The following ANKRD30B variants were observed in gnomAD, a reference collection of about 807,000 sequenced individuals.
ANKRD30B encodes the protein ankyrin repeat domain 30B.
In ANKRD30B, 144 loss-of-function variants were observed where a neutral mutation model predicts 202.2. The observed-to-expected ratio is 0.71, with a 90% CI of 0.62 to 0.82. The LOEUF is 0.82. Ranked by LOEUF, ANKRD30B falls within the 40% of genes least tolerant of loss-of-function variation. The pLI, the probability that ANKRD30B is intolerant of heterozygous loss-of-function variation, is 0.00. For missense variants in ANKRD30B, 1,487 were observed against 1,669.1 expected, an observed-to-expected ratio of 0.89 and a Z score of 1.90; for synonymous variants, 508 against 561.3, an observed-to-expected ratio of 0.91 and a Z score of 1.34.
chr18:14,848,978 G>T, intron 40 of ANKRD30B, 49 bp downstream of exon 40: 1 of 1,411,256 alleles, frequency 7.1e-7, no homozygotes, highest in Non-Finnish European at 9.2e-7. Context: ...TATACTAAAA[G>T]TATGTAGGAT....
chr18:14,907,141 A>T, the ANKRD30B span, among the ~76,000 whole-genome samples: 2 of 152,052 alleles, frequency 1.3e-5, no homozygotes, highest in African/African-American at 4.8e-5. Flanking sequence ...GTCTGTGTTG[A>T]TGTTAATGCT....
chr18:14,842,083 T>G (rs1277092029), intron 37 of ANKRD30B, among the ~76,000 whole-genome samples: 1 of 152,138 alleles, frequency 6.6e-6, no homozygotes, highest in Non-Finnish European at 1.5e-5. Flanking sequence ...AATTTATTAC[T>G]TGAATTCTAA....
intron 32 of ANKRD30B, among the ~76,000 whole-genome samples, chr18:14,827,579 G>T (rs562214489): frequency 6.6e-6 from 1 of 152,104 alleles, no homozygotes; most frequent in Non-Finnish European, 1.5e-5. Flanking sequence ...ACATTTGGTC[G>T]CAGATGTCTT....
chr18:14,922,057 C>T, the ANKRD30B span, among the ~76,000 whole-genome samples: 1 of 152,176 alleles, frequency 6.6e-6, no homozygotes, highest in South Asian at 2.1e-4. Flanking sequence ...CTGAAAGAGG[C>T]ATTGAAGAGG....
At chr18:14,936,312 T>A in the ANKRD30B span, among the ~76,000 whole-genome samples, 2 of 152,186 alleles carry the variant, frequency 1.3e-5, no homozygotes, top group African/African-American at 2.4e-5. Flanking sequence ...TGTGTGAGAT[T>A]TTTGAGGCTG....
intron 39 of ANKRD30B, among the ~76,000 whole-genome samples, chr18:14,846,647 A>G (rs1466053957): frequency 6.6e-6 from 1 of 152,038 alleles, no homozygotes; most frequent in Non-Finnish European, 1.5e-5. Flanking sequence ...TGTTTTCTTG[A>G]TTAAGTGAAC....
the ANKRD30B span, among the ~76,000 whole-genome samples, chr18:14,889,121 C>T: frequency 6.6e-6 from 1 of 151,434 alleles, no homozygotes; most frequent in East Asian, 1.9e-4. Flanking sequence ...ACATAATACA[C>T]AGCTAGTTAT....
In ANKRD30B at chr18:14,748,323, G is replaced by GT; in HGVS notation, c.-96dup. 1 of 1,045,746 alleles carries GT rather than the reference G, an allele frequency of 9.6e-7. No individual in the cohort carries two copies. 64.8% of individuals were successfully genotyped at this position (1,045,746 alleles called of 1,614,324 possible). A position where few individuals can be genotyped will look rare whatever the true frequency, so the allele number is the denominator to read the frequency against. ...ACGGGCGAGTGCGAGCCGGGGGCGGGTGCTGGGGAAGGGTAAGCGGGAAGC... is the reference window on the plus strand; with the variant it reads ...ACGGGCGAGTGCGAGCCGGGGGCGGGTTGCTGGGGAAGGGTAAGCGGGAAGC... On this transcript the variant is annotated 5_prime_UTR_variant, in exon 1 of 44. Transcript: ENST00000690538.
the ANKRD30B span, among the ~76,000 whole-genome samples, chr18:14,901,418 ACTAAC>A: frequency 6.6e-6 from 1 of 152,212 alleles, no homozygotes; most frequent in Non-Finnish European, 1.5e-5. Flanking sequence ...CATGAAGATT[ACTAAC>A]CCAACATCAA....
intron 14 of ANKRD30B, among the ~76,000 whole-genome samples, chr18:14,786,042 C>T (rs1598615118): frequency 1.8e-5 from 1 of 56,902 alleles, no homozygotes; most frequent in Non-Finnish European, 2.8e-5. Flanking sequence ...GAGACTCCGT[C>T]TCAAAAAAAA....
chr18:14,873,769 T>C, the ANKRD30B span, among the ~76,000 whole-genome samples: 2,332 of 152,176 alleles, frequency 0.015, 60 homozygotes, highest in African/African-American at 0.054. Context: ...TAGGCGAGGC[T>C]GAGAGTCAGC....
the ANKRD30B span, among the ~76,000 whole-genome samples, chr18:14,879,852 G>C: frequency 6.6e-6 from 1 of 152,084 alleles, no homozygotes; most frequent in South Asian, 2.1e-4. Context: ...TCTGCTGACT[G>C]TTTCCTTTGC....
chr18:14,771,052 G>A (rs1966971526), intron 8 of ANKRD30B, among the ~76,000 whole-genome samples: 1 of 152,174 alleles, frequency 6.6e-6, no homozygotes, highest in Non-Finnish European at 1.5e-5. Context: ...AAGATTGACT[G>A]GCAAGTAAGT....
intron 5 of ANKRD30B, among the ~76,000 whole-genome samples, chr18:14,758,317 G>A (rs1914699750): frequency 6.6e-6 from 1 of 152,134 alleles, no homozygotes; most frequent in Non-Finnish European, 1.5e-5. Context: ...AGGAATCTAA[G>A]GGGTTCCTTA....
At chr18:14,843,873 C>A (rs953290462) in intron 39 of ANKRD30B, among the ~76,000 whole-genome samples, 1 of 152,022 alleles carries the variant, frequency 6.6e-6, no homozygotes, top group African/African-American at 2.4e-5. Flanking sequence ...TTTGGTAAAA[C>A]TGTGATTCTG....
At chr18:14,856,248 G>T (rs1357509127), downstream of ANKRD30B, among the ~76,000 whole-genome samples, 1 of 134,054 alleles carries the variant, frequency 7.5e-6, no homozygotes, top group Non-Finnish European at 1.6e-5. Context: ...GCCAGAGAAA[G>T]GTGCTCCTCA....
At chr18:14,749,709 ATTGT>A (rs1407734700) in intron 1 of ANKRD30B, among the ~76,000 whole-genome samples, 1 of 146,508 alleles carries the variant, frequency 6.8e-6, no homozygotes, top group Non-Finnish European at 1.5e-5. Context: ...AAAATCACAG[ATTGT>A]TTGCTAACAG....
chr18:14,871,587 A>T, the ANKRD30B span, among the ~76,000 whole-genome samples: 1 of 151,882 alleles, frequency 6.6e-6, no homozygotes, highest in Admixed American at 6.6e-5. Context: ...AGATGGGGTT[A>T]GGAGAACAAA....
intron 32 of ANKRD30B, among the ~76,000 whole-genome samples, chr18:14,825,745 G>A (rs1247222640): frequency 6.6e-6 from 1 of 152,106 alleles, no homozygotes; most frequent in East Asian, 1.9e-4. Context: ...TCAGTTAAGA[G>A]GCCATGTCTA....
Sources: gnomAD v4.1 joint callset for allele counts (sites outside exome capture counted in the v4.1 genomes callset) on GRCh38, gnomAD v4.1.1 for gene constraint, MANE v1.5 for transcripts, NCBI Gene and HGNC (gene_info 2026-07-23, HGNC 2026-07-21) for gene names.